The following NDUFS4 variants were observed in gnomAD, a reference collection of about 807,000 sequenced individuals.
The protein encoded by NDUFS4 is NADH:ubiquinone oxidoreductase subunit S4, also known as NADH dehydrogenase [ubiquinone] iron-sulfur protein 4, mitochondrial.
A neutral mutation model predicts 24.3 loss-of-function variants in NDUFS4; 28 were observed. The observed-to-expected ratio is 1.15, with a 90% CI of 0.85 to 1.58. The LOEUF is 1.58. Ranked by LOEUF, NDUFS4 falls within the 40% of genes most tolerant of loss-of-function variation. NDUFS4 has a pLI of 0.00. For synonymous variants in NDUFS4, 93 were observed against 69.7 expected, an observed-to-expected ratio of 1.34 and a Z score of -1.67; for missense variants, 223 against 207.9, an observed-to-expected ratio of 1.07 and a Z score of -0.45.
intron 1 of NDUFS4, among the ~76,000 whole-genome samples, chr5:53,582,127 T>C (rs979926561): frequency 2.4e-4 from 36 of 151,790 alleles, no homozygotes; most frequent in African/African-American, 7.7e-4. Context: ...AGGAGAATGG[T>C]GTGAACCCAG....
At chr5:53,681,573 C>G (rs1164529205) in intron 4 of NDUFS4, among the ~76,000 whole-genome samples, 2 of 152,086 alleles carry the variant, frequency 1.3e-5, no homozygotes, top group African/African-American at 4.8e-5. Context: ...TTAAAGTAAG[C>G]TATAGCTTTG....
chr5:53,561,649 A>G (rs1282047321), intron 1 of NDUFS4, among the ~76,000 whole-genome samples: 1 of 152,062 alleles, frequency 6.6e-6, no homozygotes, highest in Non-Finnish European at 1.5e-5. Context: ...CTGGATGGAG[A>G]GATTTGAAGG....
At chr5:53,634,028 G>A (rs1181090949) in intron 2 of NDUFS4, among the ~76,000 whole-genome samples, 1 of 152,156 alleles carries the variant, frequency 6.6e-6, no homozygotes, top group East Asian at 1.9e-4. Flanking sequence ...GTACATTCTT[G>A]CATTATAATA....
At chr5:53,603,364 A>G in intron 1 of NDUFS4, 88 bp from the exon 2 acceptor site, 2 of 816,402 alleles carry the variant, frequency 2.4e-6, no homozygotes, top group South Asian at 3.1e-5. Context: ...TAAGACAGAT[A>G]TTGTTAAAGT....
intron 4 of NDUFS4, among the ~76,000 whole-genome samples, chr5:53,674,567 T>C (rs1740395633): frequency 6.6e-6 from 1 of 152,122 alleles, no homozygotes; most frequent in South Asian, 2.1e-4. Context: ...GTTACAGATA[T>C]CATTATTCCT....
chr5:53,588,073 C>G (rs578004290), intron 1 of NDUFS4, among the ~76,000 whole-genome samples: 1 of 152,130 alleles, frequency 6.6e-6, no homozygotes, highest in Non-Finnish European at 1.5e-5. Context: ...GGTTTGGTTC[C>G]AGACCACCAC....
At chr5:53,566,759 T>G (rs140806915) in intron 1 of NDUFS4, among the ~76,000 whole-genome samples, 16 of 152,220 alleles carry the variant, frequency 1.1e-4, no homozygotes, top group African/African-American at 3.9e-4. Flanking sequence ...TGTAAATAAC[T>G]GTTATCCTGT....
At chr5:53,579,533 C>A (rs185833706) in intron 1 of NDUFS4, among the ~76,000 whole-genome samples, 1 of 152,242 alleles carries the variant, frequency 6.6e-6, no homozygotes, top group Admixed American at 6.5e-5. Flanking sequence ...CATAGCAAGA[C>A]CCTGTCTCCA....
Position 53,653,544 on chromosome 5 carries a change from T to C in NDUFS4, c.351-5007T>C, listed in dbSNP as rs950300773. 3.9e-5 allele frequency among the ~76,000 whole-genome samples: 6 copies of C among 152,268 alleles called. 1 individual carries two copies. Among genetic ancestry groups the C allele is most frequent in the Admixed American group, 3.9e-4 (6 of 15,294 alleles). On this transcript the variant is annotated intron_variant, in intron 3 of 4. Coordinates refer to ENST00000296684, the MANE Select transcript of NDUFS4 (RefSeq NM_002495.4). ...ACTGACTTTTGAACAAGTAAATGAC[T>C]GTGCTTGCATTGTAGATTTAAACTA...
At chr5:53,611,456 A>C (rs1189945406) in intron 2 of NDUFS4, among the ~76,000 whole-genome samples, 1 of 152,044 alleles carries the variant, frequency 6.6e-6, no homozygotes, top group East Asian at 1.9e-4. Context: ...CTAATTAGTC[A>C]ATTTTAGTTT....
chr5:53,604,381 A>C (rs1392476228), intron 2 of NDUFS4, among the ~76,000 whole-genome samples: 1 of 152,236 alleles, frequency 6.6e-6, no homozygotes, highest in Non-Finnish European at 1.5e-5. Context: ...CAGACAAATA[A>C]ATGTATAAGT....
At chr5:53,577,204 GT>G (rs528675272) in intron 1 of NDUFS4, among the ~76,000 whole-genome samples, 137 of 152,252 alleles carry the variant, frequency 9.0e-4, no homozygotes, top group African/African-American at 2.8e-3. Flanking sequence ...ATGCTACCCA[GT>G]ATTACCCATT....
intron 1 of NDUFS4, among the ~76,000 whole-genome samples, chr5:53,588,803 G>A (rs425085): frequency 0.23 from 34,412 of 151,692 alleles, 4,743 homozygotes; most frequent in East Asian, 0.46. Context: ...GTCTTATATT[G>A]TCACCATATT....
At chr5:53,666,193 T>TA (rs1282172124) in intron 4 of NDUFS4, among the ~76,000 whole-genome samples, 1 of 152,218 alleles carries the variant, frequency 6.6e-6, no homozygotes, top group East Asian at 1.9e-4. Flanking sequence ...TTTCAGCCTA[T>TA]TATATTTCAT....
chr5:53,671,831 G>A (rs928849092), intron 4 of NDUFS4, among the ~76,000 whole-genome samples: 2 of 151,938 alleles, frequency 1.3e-5, no homozygotes, highest in African/African-American at 4.8e-5. Context: ...TTTTTCCCCC[G>A]TTTGATCTGA....
intron 1 of NDUFS4, among the ~76,000 whole-genome samples, chr5:53,579,373 C>G (rs1023513195): frequency 4.6e-5 from 7 of 152,156 alleles, no homozygotes; most frequent in Non-Finnish European, 1.0e-4. Flanking sequence ...CCAATTTACA[C>G]ACTAGACAAT....
At chr5:53,664,912 T>TA (rs1332162416) in intron 4 of NDUFS4, among the ~76,000 whole-genome samples, 1 of 152,252 alleles carries the variant, frequency 6.6e-6, no homozygotes, top group Non-Finnish European at 1.5e-5. Context: ...CTCTGATTTT[T>TA]AGAGTTTCCA....
chr5:53,564,564 G>T (rs534713104), intron 1 of NDUFS4, among the ~76,000 whole-genome samples: 5 of 152,292 alleles, frequency 3.3e-5, no homozygotes, highest in Admixed American at 3.3e-4. Flanking sequence ...TTTTGAGACA[G>T]AGTCTCATTC....
intron 3 of NDUFS4, among the ~76,000 whole-genome samples, chr5:53,651,041 C>T (rs534736969): frequency 4.1e-4 from 62 of 151,996 alleles, no homozygotes; most frequent in African/African-American, 1.3e-3. Flanking sequence ...GTAGTTTTGC[C>T]GAAGTAAAAA....
Sources: gnomAD v4.1 joint callset for allele counts (sites outside exome capture counted in the v4.1 genomes callset) on GRCh38, gnomAD v4.1.1 for gene constraint, MANE v1.5 for transcripts, NCBI Gene and HGNC (gene_info 2026-07-23, HGNC 2026-07-21) for gene names.